RIN2: variants seen among roughly 807,000 people sequenced by gnomAD.
RIN2 encodes RAB5 interacting protein 2.
RIN2 carries 36 observed loss-of-function variants against 78.0 expected under a neutral mutation model. That is an observed-to-expected ratio of 0.46 (90% confidence interval 0.35 to 0.61). The LOEUF (loss-of-function observed/expected upper bound fraction) is 0.61. RIN2 is among the 20% of genes least tolerant of loss of function. RIN2 has a pLI of 0.00. For missense variants in RIN2, 1,087 were observed against 1,159.7 expected, an observed-to-expected ratio of 0.94 and a Z score of 0.91; for synonymous variants, 466 against 466.8, an observed-to-expected ratio of 1.00 and a Z score of 0.02.
At chr20:19,757,666 T>G (rs1444860350), upstream of RIN2, 3 of 152,266 alleles carry the variant, frequency 2.0e-5, no homozygotes, top group African/African-American at 7.2e-5. Context: ...GCCTCTCGAG[T>G]GGGGCCTTTC....
At chr20:19,961,197 C>G (rs1028905542) in intron 6 of RIN2, among the ~76,000 whole-genome samples, 3 of 152,158 alleles carry the variant, frequency 2.0e-5, no homozygotes, top group Admixed American at 2.0e-4. Flanking sequence ...AATCCTAAAT[C>G]CTAAAGCATG....
chr20:19,849,515 A>G (rs2036893240), intron 2 of RIN2, among the ~76,000 whole-genome samples: 1 of 152,196 alleles, frequency 6.6e-6, no homozygotes, highest in Non-Finnish European at 1.5e-5. Context: ...GAGAGCTTCC[A>G]GAAGTGGAAA....
rs552404613 is a variant in RIN2 at position 19,886,991 on chromosome 20, A to T, written c.-36-2575A>T. 8.8e-4 allele frequency among the ~76,000 whole-genome samples: 133 copies of T among 151,866 alleles called. No homozygotes were observed. In the Middle Eastern group the frequency reaches 0.014, roughly 16 times the overall value. ...AGCTAACTATAGCTACTACAGAAAG[A>T]TCTTAAACCAGAACTCTTTTGGGGC... On this transcript the variant is annotated intron_variant, in intron 2 of 12. Coordinates refer to ENST00000255006, the MANE Select transcript of RIN2 (RefSeq NM_018993.4).
At chr20:19,946,713 CAAAAAAAAAAAA>C (rs74180972) in intron 4 of RIN2, among the ~76,000 whole-genome samples, 1 of 78,008 alleles carries the variant, frequency 1.3e-5, no homozygotes, top group African/African-American at 4.6e-5. Context: ...GATTCTATCT[CAAAAAAAAAAAA>C]AAAAAAAAGG....
chr20:19,972,504 G>C (rs1238265995), intron 8 of RIN2, among the ~76,000 whole-genome samples: 1 of 152,198 alleles, frequency 6.6e-6, no homozygotes, highest in Non-Finnish European at 1.5e-5. Flanking sequence ...TTCTCGATGT[G>C]CATATTATCC....
intron 2 of RIN2, among the ~76,000 whole-genome samples, chr20:19,836,596 G>GCTCT (rs145293810): frequency 6.7e-6 from 1 of 148,700 alleles, no homozygotes; most frequent in East Asian, 2.0e-4. Flanking sequence ...GAGACCATGA[G>GCTCT]CTCTCTCTCT....
chr20:19,852,944 T>C (rs368962564), intron 2 of RIN2, among the ~76,000 whole-genome samples: 4 of 151,986 alleles, frequency 2.6e-5, no homozygotes, highest in African/African-American at 4.8e-5. Flanking sequence ...GCAGGTTTGT[T>C]ACATATGTAT....
At chr20:19,791,028 C>T (rs749101887) in intron 1 of RIN2, among the ~76,000 whole-genome samples, 6 of 152,198 alleles carry the variant, frequency 3.9e-5, no homozygotes, top group Admixed American at 1.3e-4. Flanking sequence ...TTTCCCCATA[C>T]TCCCCAGCCA....
chr20:19,844,572 A>G (rs2036674817), intron 2 of RIN2, among the ~76,000 whole-genome samples: 1 of 138,388 alleles, frequency 7.2e-6, no homozygotes, highest in African/African-American at 2.8e-5. Context: ...GGCCAACTAG[A>G]GAGCTGCTGC....
chr20:19,922,360 G>A (rs1339299720), intron 3 of RIN2, among the ~76,000 whole-genome samples: 1 of 152,244 alleles, frequency 6.6e-6, no homozygotes, highest in South Asian at 2.1e-4. Flanking sequence ...TGGGGGATGC[G>A]CTTCTCTTGT....
chr20:19,774,534 G>A (rs1208149733), intron 1 of RIN2, among the ~76,000 whole-genome samples: 1 of 152,214 alleles, frequency 6.6e-6, no homozygotes, highest in African/African-American at 2.4e-5. Context: ...CTCTGCCACT[G>A]TGGCATGTAA....
At chr20:19,828,163 C>T (rs562170237) in intron 2 of RIN2, among the ~76,000 whole-genome samples, 2 of 152,174 alleles carry the variant, frequency 1.3e-5, no homozygotes, top group Non-Finnish European at 2.9e-5. Context: ...TTTATAGACT[C>T]CAACTCACCT....
chr20:19,949,189 G>A (rs1048904845), intron 4 of RIN2, among the ~76,000 whole-genome samples: 2 of 152,226 alleles, frequency 1.3e-5, no homozygotes, highest in African/African-American at 4.8e-5. Context: ...AGCTGAGGCA[G>A]GAGAATCGCT....
At chr20:19,933,274 C>T (rs2040507397) in intron 3 of RIN2, among the ~76,000 whole-genome samples, 1 of 152,242 alleles carries the variant, frequency 6.6e-6, no homozygotes, top group Non-Finnish European at 1.5e-5. Flanking sequence ...CCATGATCTA[C>T]AAAGTTGGCA....
At chr20:19,902,909 C>T (rs887665699) in intron 3 of RIN2, among the ~76,000 whole-genome samples, 12 of 152,028 alleles carry the variant, frequency 7.9e-5, no homozygotes, top group South Asian at 4.2e-4. Flanking sequence ...CTGGCTAACG[C>T]GGTGAAACCC....
intron 2 of RIN2, among the ~76,000 whole-genome samples, chr20:19,808,111 G>A (rs34037611): frequency 0.11 from 16,475 of 152,288 alleles, 964 homozygotes; most frequent in South Asian, 0.19. Flanking sequence ...AAGCAAGCAA[G>A]CAAATGAACC....
intron 2 of RIN2, among the ~76,000 whole-genome samples, chr20:19,853,938 T>A (rs1429576025): frequency 6.6e-6 from 1 of 152,222 alleles, no homozygotes; most frequent in African/African-American, 2.4e-5. Flanking sequence ...GGTGTTTTAG[T>A]CATGAAGTCG....
chr20:19,896,757 T>C (rs567193097), intron 3 of RIN2, among the ~76,000 whole-genome samples: 49 of 152,300 alleles, frequency 3.2e-4, no homozygotes, highest in African/African-American at 1.2e-3. Context: ...TGGAGAGGCC[T>C]CAGAGCATAG....
chr20:19,961,635 C>G (rs1474659045), intron 6 of RIN2, among the ~76,000 whole-genome samples: 1 of 149,152 alleles, frequency 6.7e-6, no homozygotes, highest in Non-Finnish European at 1.5e-5. Context: ...AGATGAAGGT[C>G]AATTTCAGGG....
Sources: allele counts gnomAD v4.1 joint callset (sites outside exome capture counted in the v4.1 genomes callset), GRCh38; gene constraint gnomAD v4.1.1; transcripts MANE v1.5; gene names NCBI Gene and HGNC (gene_info 2026-07-23, HGNC 2026-07-21).